Variants in SNTG2 observed in about 807,000 individuals in gnomAD.
SNTG2 encodes the protein syntrophin gamma 2, also known as gamma-2-syntrophin.
In SNTG2, 74 loss-of-function variants were observed where a neutral mutation model predicts 70.9. The ratio of observed to expected loss-of-function variants is 1.04; its 90% CI spans 0.86 to 1.27. The LOEUF is 1.27. Ranked by LOEUF, SNTG2 falls within the 50% of genes most tolerant of loss-of-function variation. SNTG2 has a pLI of 0.00. For synonymous variants in SNTG2, 278 were observed against 273.8 expected, an observed-to-expected ratio of 1.02 and a Z score of -0.15; for missense variants, 717 against 690.7, an observed-to-expected ratio of 1.04 and a Z score of -0.43.
At chr2:1,294,987 G>T (rs1159908320) in intron 14 of SNTG2, among the ~76,000 whole-genome samples, 1 of 152,194 alleles carries the variant, frequency 6.6e-6, no homozygotes, top group African/African-American at 2.4e-5. Context: ...GGGATGAGGC[G>T]TTTGACGCAG....
chr2:1,209,523 A>T (rs1163888076), intron 9 of SNTG2, among the ~76,000 whole-genome samples: 1 of 152,226 alleles, frequency 6.6e-6, no homozygotes, highest in Non-Finnish European at 1.5e-5. Flanking sequence ...TTAGTTTTAA[A>T]TGCTAACAGA....
rs560459526 is a variant in SNTG2, at chr2:1,245,781, A to G, written c.889-1546A>G. Among the ~76,000 whole-genome samples, 14 of 152,334 alleles carry G rather than the reference A, an allele frequency of 9.2e-5. No individual in the cohort carries two copies. In the South Asian group the frequency reaches 2.3e-3, roughly 25 times the overall value. On this transcript the variant is annotated intron_variant, in intron 11 of 16. Coordinates refer to ENST00000308624, the MANE Select transcript of SNTG2 (RefSeq NM_018968.4). ...TCAAATTCAGACACTGGAGGAGTAA[A>G]TTACACATCAGTGGCTTTTCCAGGT...
intron 8 of SNTG2, among the ~76,000 whole-genome samples, chr2:1,184,826 C>G (rs1465467022): frequency 6.6e-6 from 1 of 152,114 alleles, no homozygotes; most frequent in African/African-American, 2.4e-5. Context: ...CACCTTTGAC[C>G]CCTGCCAAAT....
At chr2:987,329 C>T (rs980936858) in intron 1 of SNTG2, among the ~76,000 whole-genome samples, 5 of 152,114 alleles carry the variant, frequency 3.3e-5, no homozygotes, top group African/African-American at 7.2e-5. Flanking sequence ...CCATGGATGT[C>T]GGCGTCCTGA....
Position 1,267,370 on chromosome 2 carries a change from G to A in SNTG2, c.1083G>A (p.Trp361Ter), listed in dbSNP as rs1265025119. Residue 361 changes from tryptophan (W) to a stop codon, truncating the protein, a stop_gained, in exon 14 of 17, where the codon TGG (tryptophan) becomes TGA (stop). Transcript: ENST00000308624. LOFTEE classifies it high-confidence loss of function. ...ATCCATGCTCTGTTTTTCAGTTCTG[G>A]CTCACAGAGGACTGCTGGTTGCAAG... ...CEVLFKVHKF[W>*]LTEDCWLQAN... The A allele has an allele frequency of 1.9e-6, 3 of 1,597,000 alleles. No homozygotes were observed. Among genetic ancestry groups the A allele is most frequent in the South Asian group, 1.1e-5 (1 of 88,118 alleles).
In SNTG2 at chr2:1,261,032, T is replaced by C. The variant is rs139637745; in HGVS notation, c.1077+1591T>C. Among the ~76,000 whole-genome samples the C allele has an allele frequency of 4.4e-4, 67 of 152,304 alleles. No homozygotes were observed. In the East Asian group the frequency reaches 0.011, roughly 25 times the overall value. On this transcript the variant is annotated intron_variant, in intron 13 of 16. Coordinates refer to ENST00000308624, the MANE Select transcript of SNTG2 (RefSeq NM_018968.4). ...TAGTCAGTAAATATTATATGAAGTA[T>C]TTATGAAATCATGAAATTAGCCAGT... is the stretch of plus-strand genomic sequence containing the variant.
rs79384538 is a variant in SNTG2, at chr2:974,065, T to A, written c.72+22997T>A. Among the ~76,000 whole-genome samples the A allele has an allele frequency of 9.1e-3, 1,382 of 152,310 alleles. 27 individuals are homozygous for A. The highest frequency in any genetic ancestry group is 0.031 in the African/African-American group (1,307 of 41,556). On this transcript the variant is annotated intron_variant, in intron 1 of 16. Coordinates refer to ENST00000308624, the MANE Select transcript of SNTG2 (RefSeq NM_018968.4). ...TCCTGAAAATGGATTTATTTATTTA[T>A]GGTTATTTTTGGTTTTTTTAGCTTA...
At chr2:1,057,212 G>C (rs1182818421) in intron 1 of SNTG2, among the ~76,000 whole-genome samples, 1 of 152,080 alleles carries the variant, frequency 6.6e-6, no homozygotes, top group African/African-American at 2.4e-5. Context: ...AAAAGACTGT[G>C]TTAATATTTG....
At chr2:1,273,229 C>G (rs541314945) in intron 14 of SNTG2, among the ~76,000 whole-genome samples, 2 of 152,308 alleles carry the variant, frequency 1.3e-5, no homozygotes, top group African/African-American at 4.8e-5. Context: ...TGCTCCATTT[C>G]TGGACTTAGG....
At position 1,011,258 on chromosome 2, in the gene SNTG2, C is replaced by T. The variant is rs80228689; in HGVS notation, c.72+60190C>T. On this transcript the variant is annotated intron_variant, in intron 1 of 16. Transcript: ENST00000308624. The stretch of plus-strand genomic sequence containing the variant: ...CGGAGCCACATAGGCAACACACTTG[C>T]GTCTGAGCACTTTCTCAGCTGCTAG... 1.4e-3 allele frequency among the ~76,000 whole-genome samples: 217 copies of T among 152,342 alleles called. 3 individuals carry two copies. The East Asian group carries it at 0.026, about 18-fold the overall frequency.
At chr2:1,143,339 C>G (rs550400799) in intron 6 of SNTG2, among the ~76,000 whole-genome samples, 1 of 152,264 alleles carries the variant, frequency 6.6e-6, no homozygotes, top group African/African-American at 2.4e-5. Context: ...CCACTCATGC[C>G]TTAAAGTGGA....
chr2:1,051,806 C>G (rs1173764311), intron 1 of SNTG2, among the ~76,000 whole-genome samples: 1 of 152,222 alleles, frequency 6.6e-6, no homozygotes, highest in Non-Finnish European at 1.5e-5. Context: ...CCCCCAGCAG[C>G]TGGGCTGCAG....
chr2:1,114,385 C>T (rs1251869328), intron 4 of SNTG2, among the ~76,000 whole-genome samples: 2 of 151,534 alleles, frequency 1.3e-5, no homozygotes, highest in African/African-American at 4.9e-5. Context: ...GAGGTTTAAA[C>T]CTTACACTCC....
intron 9 of SNTG2, among the ~76,000 whole-genome samples, chr2:1,216,070 A>G (rs1202932490): frequency 6.6e-6 from 1 of 152,224 alleles, no homozygotes; most frequent in African/African-American, 2.4e-5. Flanking sequence ...GTATATACCC[A>G]GTAATGGGAT....
In SNTG2 at chr2:1,097,159, G is replaced by A. The variant is rs1256645062; in HGVS notation, c.211-1037G>A. On this transcript the variant is annotated intron_variant, in intron 2 of 16. Coordinates refer to ENST00000308624, the MANE Select transcript of SNTG2 (RefSeq NM_018968.4). The surrounding 1 kb of genome is among the most constrained non-coding windows in gnomAD (Gnocchi z 4.1). ...CTAATTTTTGGTTTCTTTCCTTTGAGTTTATGAAGTATTTCCCCCTAAGAA... is the reference window on the plus strand; with the variant it reads ...CTAATTTTTGGTTTCTTTCCTTTGAATTTATGAAGTATTTCCCCCTAAGAA... 6.6e-6 allele frequency among the ~76,000 whole-genome samples: 1 copy of A among 152,200 alleles called. No homozygotes were observed. The highest frequency in any genetic ancestry group is 1.5e-5 in the Non-Finnish European group (1 of 68,038).
At chr2:1,058,084 T>C (rs183592235) in intron 1 of SNTG2, among the ~76,000 whole-genome samples, 1 of 152,148 alleles carries the variant, frequency 6.6e-6, no homozygotes, top group African/African-American at 2.4e-5. Flanking sequence ...ATAAATAACT[T>C]ATATTTGTAT....
At position 1,181,965 on chromosome 2, in the gene SNTG2, A is replaced by G. The variant is rs901364696; in HGVS notation, c.591+8782A>G. On this transcript the variant is annotated intron_variant, in intron 8 of 16. Coordinates refer to ENST00000308624, the MANE Select transcript of SNTG2 (RefSeq NM_018968.4). The stretch of plus-strand genomic sequence containing the variant: ...GTTTAGGTTTGGAAGTACAGAATCC[A>G]TTGATCTTTCACCTGTTGCTGAATC... Among the ~76,000 whole-genome samples, 9 of 152,212 alleles carry G rather than the reference A, an allele frequency of 5.9e-5. No individual in the cohort carries two copies. The East Asian group carries it at 1.7e-3, about 29-fold the overall frequency.
At chr2:1,176,380 C>T in intron 8 of SNTG2, among the ~76,000 whole-genome samples, 1 of 135,532 alleles carries the variant, frequency 7.4e-6, no homozygotes, top group Non-Finnish European at 1.6e-5. Flanking sequence ...AAAGAAATAA[C>T]CTGTATAACA....
intron 9 of SNTG2, among the ~76,000 whole-genome samples, chr2:1,236,937 GTTTTCTTT>G (rs1390052797): frequency 2.9e-5 from 4 of 140,212 alleles, no homozygotes; most frequent in East Asian, 2.1e-4. Context: ...AATATGCATT[GTTTTCTTT>G]TTTTCTTTTT....
Sources: gnomAD v4.1 joint callset for allele counts (sites outside exome capture counted in the v4.1 genomes callset) on GRCh38, gnomAD v4.1.1 for gene constraint, Gnocchi (gnomAD v3.1) non-coding constraint, MANE v1.5 for transcripts, NCBI Gene and HGNC (gene_info 2026-07-23, HGNC 2026-07-21) for gene names.